ZNF385D: variants seen among roughly 807,000 people sequenced by gnomAD.
ZNF385D encodes the protein zinc finger protein 659.
Under a neutral mutation model 35.8 loss-of-function variants are expected in ZNF385D, and 15 were observed. The ratio of observed to expected loss-of-function variants is 0.42; its 90% CI spans 0.28 to 0.64. The LOEUF (loss-of-function observed/expected upper bound fraction) is 0.64, where lower values mean the gene tolerates loss of function less well. Among genes scored for constraint, ZNF385D ranks in the 30% least tolerant of loss-of-function variants. The pLI, the probability that ZNF385D is intolerant of heterozygous loss-of-function variation, is 0.23. For synonymous variants in ZNF385D, 212 were observed against 186.8 expected (o/e 1.13, Z -1.10); for missense variants, 474 against 494.6 (o/e 0.96, Z 0.39).
At chr3:21,961,241 C>T (rs888624435) in intron 3 of ZNF385D, among the ~76,000 whole-genome samples, 1 of 151,586 alleles carries the variant, frequency 6.6e-6, no homozygotes, top group Non-Finnish European at 1.5e-5. Flanking sequence ...TAAATGAATG[C>T]CTGGAATATA....
intron 2 of ZNF385D, among the ~76,000 whole-genome samples, chr3:21,622,066 G>A (rs1447044056): frequency 1.3e-5 from 2 of 151,994 alleles, no homozygotes; most frequent in African/African-American, 2.4e-5. Flanking sequence ...AATAAAAGGT[G>A]CAATTTCTTT....
At chr3:21,872,118 A>C (rs1288368984) in intron 3 of ZNF385D, among the ~76,000 whole-genome samples, 1 of 152,150 alleles carries the variant, frequency 6.6e-6, no homozygotes, top group Non-Finnish European at 1.5e-5. Context: ...TAAGGTCTTC[A>C]TTTGTAGAAG....
chr3:21,518,551 C>T (rs188237057), intron 3 of ZNF385D, among the ~76,000 whole-genome samples: 1 of 152,202 alleles, frequency 6.6e-6, no homozygotes, highest in East Asian at 1.9e-4. Context: ...AAAATCAACC[C>T]CTGTATCAAA....
chr3:22,233,229 A>G (rs1698996129), intron 2 of ZNF385D, among the ~76,000 whole-genome samples: 1 of 152,184 alleles, frequency 6.6e-6, no homozygotes, highest in Non-Finnish European at 1.5e-5. Flanking sequence ...TCAAAACCAT[A>G]TTCTACATAC....
chr3:22,279,314 C>A (rs964915049), intron 2 of ZNF385D, among the ~76,000 whole-genome samples: 1 of 151,696 alleles, frequency 6.6e-6, no homozygotes, highest in Non-Finnish European at 1.5e-5. Flanking sequence ...TATGCCTTTC[C>A]GTCTTCATAG....
intron 3 of ZNF385D, among the ~76,000 whole-genome samples, chr3:22,111,285 GA>G (rs975777243): frequency 6.8e-6 from 1 of 148,116 alleles, no homozygotes; most frequent in Non-Finnish European, 1.5e-5. Flanking sequence ...GAAACTTCTA[GA>G]AGGCAGAAAT....
chr3:21,996,667 T>C (rs1198822613), intron 3 of ZNF385D, among the ~76,000 whole-genome samples: 1 of 152,240 alleles, frequency 6.6e-6, no homozygotes, highest in Non-Finnish European at 1.5e-5. Context: ...TCAACTTACA[T>C]ACATTTTTTT....
At chr3:21,597,897 A>G (rs1222436841) in intron 2 of ZNF385D, among the ~76,000 whole-genome samples, 1 of 152,174 alleles carries the variant, frequency 6.6e-6, no homozygotes, top group Non-Finnish European at 1.5e-5. Flanking sequence ...AAAAACACAC[A>G]CAGGGATCTC....
intron 3 of ZNF385D, among the ~76,000 whole-genome samples, chr3:22,075,110 T>A (rs956679297): frequency 5.9e-5 from 9 of 151,964 alleles, no homozygotes; most frequent in African/African-American, 2.2e-4. Context: ...TTAGCTGGTA[T>A]GGGATTGGCC....
intron 3 of ZNF385D, among the ~76,000 whole-genome samples, chr3:21,948,198 C>A (rs1235608655): frequency 1.3e-5 from 2 of 151,910 alleles, no homozygotes; most frequent in African/African-American, 2.4e-5. Context: ...TTAATTATAT[C>A]AATAAATTTC....
intron 3 of ZNF385D, among the ~76,000 whole-genome samples, chr3:22,068,508 C>CT (rs1700075141): frequency 6.6e-6 from 1 of 152,154 alleles, no homozygotes; most frequent in African/African-American, 2.4e-5. Context: ...TACTAATTCA[C>CT]TTTACCAATT....
At chr3:22,264,406 A>G (rs1700791588) in intron 2 of ZNF385D, among the ~76,000 whole-genome samples, 1 of 152,046 alleles carries the variant, frequency 6.6e-6, no homozygotes, top group Admixed American at 6.6e-5. Context: ...ACAATTGATC[A>G]GTGGCAGGGC....
At chr3:21,903,901 T>C (rs1259768503) in intron 3 of ZNF385D, among the ~76,000 whole-genome samples, 3 of 152,140 alleles carry the variant, frequency 2.0e-5, no homozygotes, top group Non-Finnish European at 4.4e-5. Flanking sequence ...AGTCACTCAA[T>C]ATGAGCCTCT....
chr3:22,284,003 T>C (rs1040861095), intron 2 of ZNF385D, among the ~76,000 whole-genome samples: 2 of 152,130 alleles, frequency 1.3e-5, no homozygotes, highest in African/African-American at 2.4e-5. Flanking sequence ...ATGTGGCTGG[T>C]GGCTCCCATT....
intron 3 of ZNF385D, among the ~76,000 whole-genome samples, chr3:22,038,635 G>C (rs1315828343): frequency 6.6e-6 from 1 of 151,944 alleles, no homozygotes; most frequent in African/African-American, 2.4e-5. Context: ...TCAAAAGTTT[G>C]AAAAAACTAG....
At chr3:22,101,451 T>A (rs190028074) in intron 3 of ZNF385D, among the ~76,000 whole-genome samples, 39 of 152,192 alleles carry the variant, frequency 2.6e-4, no homozygotes, top group Admixed American at 2.1e-3. Flanking sequence ...CTCAGAGAGA[T>A]GAAATAACAC....
intron 1 of ZNF385D, among the ~76,000 whole-genome samples, chr3:21,690,767 G>A (rs1227152673): frequency 6.6e-6 from 1 of 152,104 alleles, no homozygotes; most frequent in East Asian, 1.9e-4. Flanking sequence ...CTAGACCTAT[G>A]GAATCAGAAA....
intron 3 of ZNF385D, among the ~76,000 whole-genome samples, chr3:21,801,227 GT>G (rs1335594830): frequency 3.3e-5 from 5 of 152,002 alleles, no homozygotes; most frequent in African/African-American, 1.2e-4. Flanking sequence ...TGGTTTACTA[GT>G]ACTTTCTTGA....
intron 1 of ZNF385D, among the ~76,000 whole-genome samples, chr3:21,670,670 C>T (rs1252046359): frequency 4.6e-5 from 1 of 21,534 alleles, no homozygotes; most frequent in Non-Finnish European, 1.4e-4. Flanking sequence ...CCCCCCCCCC[C>T]CCCAATGACT....
Sources: allele counts gnomAD v4.1 joint callset (sites outside exome capture counted in the v4.1 genomes callset), GRCh38; gene constraint gnomAD v4.1.1; transcripts MANE v1.5; gene names NCBI Gene and HGNC (gene_info 2026-07-23, HGNC 2026-07-21).